Variants in RP1L1 observed in about 807,000 individuals in gnomAD.
RP1L1 encodes the protein retinitis pigmentosa 1-like 1 protein.
Under a neutral mutation model 15.7 loss-of-function variants are expected in RP1L1, and 27 were observed. That is an observed-to-expected ratio of 1.72 (90% CI 1.27 to 2.38). The LOEUF (loss-of-function observed/expected upper bound fraction) is 2.38. RP1L1 is among the 30% of genes most tolerant of loss of function. The probability of loss-of-function intolerance (pLI) is 0.00; values close to 1 mark genes in which losing one functional copy is unlikely to be tolerated. For missense variants in RP1L1, 4,798 were observed against 3,075.9 expected (o/e 1.56, Z -13.24); for synonymous variants, 1,813 against 1,276.7 (o/e 1.42, Z -8.96).
chr8:10,647,832 T>A (rs1427433020), intron 1 of RP1L1, among the ~76,000 whole-genome samples: 8 of 152,244 alleles, frequency 5.3e-5, no homozygotes, highest in African/African-American at 4.8e-5. Flanking sequence ...AAGACCCTGT[T>A]TTCAATTCTT....
Position 10,606,850 on chromosome 8 carries a change from A to C in RP1L1, c.*45T>G. On this transcript the variant is annotated 3_prime_UTR_variant, in exon 4 of 4. Coordinates refer to ENST00000382483, the MANE Select transcript of RP1L1 (RefSeq NM_178857.6). Reference sequence around the variant, plus strand: ...AGTTTTGTAGAAAAAATATGAATAAAAACAGAGCTCCCAAGCTCGTGATTG... The same window carrying C: ...AGTTTTGTAGAAAAAATATGAATAACAACAGAGCTCCCAAGCTCGTGATTG... 1 of 1,612,526 alleles carries C rather than the reference A, an allele frequency of 6.2e-7. No homozygotes were observed. The highest frequency in any genetic ancestry group is 1.7e-5 in the Admixed American group (1 of 60,022).
rs200121539 is a variant in RP1L1, at chr8:10,622,850, G to A, written c.352C>T (p.Arg118Trp). Residue 118 changes from arginine to tryptophan, a missense_variant, in exon 2 of 4, where the codon CGG (arginine) becomes TGG (tryptophan). Arg to Trp is a moderately radical substitution (Grantham distance 101). Transcript: ENST00000382483. Reference protein sequence around the residue: ...KPPKTPSGPGRPQERNPTAQQ... With the variant: ...KPPKTPSGPGWPQERNPTAQQ... ...GCAGTGGGGTTTCTCTCCTGTGGCC[G>A]GCCTGGTCCACTGGGGGTCTTGGGG... is the stretch of plus-strand genomic sequence containing the variant. 436 of 1,612,864 alleles carry A rather than the reference G, an allele frequency of 2.7e-4. 1 individual carries two copies. The highest frequency in any genetic ancestry group is 6.7e-4 in the Admixed American group (40 of 59,924).
chr8:10,613,450 G>C, intron 3 of RP1L1, 104 bp from the exon 4 acceptor site: 4 of 1,480,344 alleles, frequency 2.7e-6, no homozygotes, highest in African/African-American at 1.4e-5. Flanking sequence ...CACGACCTCA[G>C]CATCACCACT....
intron 2 of RP1L1, among the ~76,000 whole-genome samples, chr8:10,619,357 G>C (rs1346426469): frequency 6.6e-6 from 1 of 152,232 alleles, no homozygotes; most frequent in Non-Finnish European, 1.5e-5. Context: ...CAAAGATGCA[G>C]AGAGGCATGT....
rs565710179 is a variant in RP1L1 at position 10,651,621 on chromosome 8, A to G, written c.-20+3277T>C. ...ACGTGCCTGTAGTCCCAGCTACAGG[A>G]GGCTGAGGCAGGAGAATCCCTTGAA... On this transcript the variant is annotated intron_variant, in intron 1 of 3. Transcript: ENST00000382483. Among the ~76,000 whole-genome samples the G allele has an allele frequency of 9.9e-5, 15 of 151,990 alleles. No homozygotes were observed. In the South Asian group the frequency reaches 2.9e-3, roughly 30 times the overall value.
intron 3 of RP1L1, among the ~76,000 whole-genome samples, chr8:10,614,102 G>C (rs1797926407): frequency 6.6e-6 from 1 of 152,210 alleles, no homozygotes; most frequent in African/African-American, 2.4e-5. Flanking sequence ...GCAGTGCCCA[G>C]ATCTTGCTCC....
Position 10,623,081 on chromosome 8 carries a change from G to A in RP1L1, c.121C>T (p.Arg41Ter), listed in dbSNP as rs552894484. The change falls in exon 2 of 4, where the codon CGA becomes TGA. Residue 41 changes from arginine to a stop codon, truncating the protein, a stop_gained. Transcript: ENST00000382483. LOFTEE classifies it high-confidence loss of function. ...ACCCCAGCAAACCGTGGATCCCCTC[G>A]CTTGAGGAAGGTGATCTTCTTGGCT... ...TPAKKITFLK[R>*]GDPRFAGVRL... 1.2e-4 allele frequency: 195 copies of A among 1,614,014 alleles called. 1 individual carries two copies. The highest frequency in any genetic ancestry group is 4.2e-4 in the South Asian group (38 of 91,068).
At chr8:10,646,161 G>A (rs552709463) in intron 1 of RP1L1, among the ~76,000 whole-genome samples, 13 of 152,354 alleles carry the variant, frequency 8.5e-5, no homozygotes, top group East Asian at 3.9e-4. Flanking sequence ...CATCCCCCAC[G>A]GGGCTGCCGA....
At chr8:10,630,230 G>C (rs1304781445) in intron 1 of RP1L1, among the ~76,000 whole-genome samples, 1 of 152,214 alleles carries the variant, frequency 6.6e-6, no homozygotes, top group Non-Finnish European at 1.5e-5. Context: ...TTCAGTCCCT[G>C]ACCTTTCTTC....
Position 10,623,045 on chromosome 8 carries a change from C to T in RP1L1, c.157G>A (p.Val53Ile), listed in dbSNP as rs192698867. ...AAGGTCTTAAAGGCGCGCTGGTGAA[C>T]GGCCAGGCGGACCCCAGCAAACCGT... Reference protein sequence around the residue: ...DPRFAGVRLAVHQRAFKTFSA... With the variant: ...DPRFAGVRLAIHQRAFKTFSA... The change falls in exon 2 of 4, where the codon GTT becomes ATT. Residue 53 changes from valine (V) to isoleucine (I), a missense_variant. Transcript: ENST00000382483. The T allele has an allele frequency of 3.9e-5, 63 of 1,614,122 alleles. No homozygotes were observed. In the South Asian group the frequency reaches 5.2e-4, roughly 13 times the overall value.
chr8:10,611,826 G>T lies in RP1L1; in HGVS notation c.2272C>A (p.Pro758Thr). Reference sequence around the variant, plus strand: ...GCGTCCCCTGCCCACCCGGCAGAGGGAGCGTTGTGCGGGGAGACTCCAGAA... The same window carrying T: ...GCGTCCCCTGCCCACCCGGCAGAGGTAGCGTTGTGCGGGGAGACTCCAGAA... ...FVSGVSPHNA[P>T]SAGWAGDAGS... The change falls in exon 4 of 4, where the codon CCC becomes ACC. Residue 758 changes from proline (P) to threonine (T), a missense_variant. Transcript: ENST00000382483. 1 of 1,613,720 alleles carries T rather than the reference G, an allele frequency of 6.2e-7. No individual in the cohort carries two copies. The highest frequency in any genetic ancestry group is 2.2e-5 in the East Asian group (1 of 44,882).
intron 1 of RP1L1, among the ~76,000 whole-genome samples, chr8:10,624,835 G>A (rs762008529): frequency 9.2e-5 from 14 of 152,210 alleles, no homozygotes; most frequent in South Asian, 2.1e-4. Context: ...TTGGCTGAGT[G>A]GGTTTGAGTT....
At chr8:10,616,953 T>A (rs1217029254) in intron 2 of RP1L1, among the ~76,000 whole-genome samples, 1 of 152,158 alleles carries the variant, frequency 6.6e-6, no homozygotes, top group African/African-American at 2.4e-5. Flanking sequence ...CAGCACGCCC[T>A]CCAGCTCCCA....
intron 2 of RP1L1, among the ~76,000 whole-genome samples, chr8:10,617,984 G>A (rs1797998236): frequency 6.6e-6 from 1 of 152,164 alleles, no homozygotes; most frequent in Admixed American, 6.5e-5. Context: ...TGTTTATGTG[G>A]CACATGCTAG....
Position 10,611,635 on chromosome 8 carries a change from G to GT in RP1L1, c.2462dup (p.His821GlnfsTer24). 1 of 1,612,932 alleles carries GT rather than the reference G, an allele frequency of 6.2e-7. No individual in the cohort carries two copies. The highest frequency in any genetic ancestry group is 8.5e-7 in the Non-Finnish European group (1 of 1,179,850). On this transcript the variant is annotated frameshift_variant, in exon 4 of 4. Transcript: ENST00000382483. LOFTEE classifies it low-confidence loss of function (END_TRUNC). ...CAGGCTGTGAGCAGCAGTGGCTTCGGTGGGGGCCCACCGCCCCTTGCTCAG... is the reference window on the plus strand; with the variant it reads ...CAGGCTGTGAGCAGCAGTGGCTTCGGTTGGGGGCCCACCGCCCCTTGCTCAG...
At chr8:10,636,327 C>T (rs181078929) in intron 1 of RP1L1, among the ~76,000 whole-genome samples, 227 of 152,324 alleles carry the variant, frequency 1.5e-3, no homozygotes, top group African/African-American at 5.3e-3. Context: ...GAAAAGGAGC[C>T]GGTCTGCAGG....
Position 10,623,300 on chromosome 8 carries a change from G to C in RP1L1, c.-19-80C>G, listed in dbSNP as rs572775020. On this transcript the variant is annotated intron_variant, in intron 1 of 3. Transcript: ENST00000382483. ...CCTGTCTCTTCCCGTCTTTCTAGAGGTGCTTCCTGCCCACCCCAAATGTGC... is the reference window on the plus strand; with the variant it reads ...CCTGTCTCTTCCCGTCTTTCTAGAGCTGCTTCCTGCCCACCCCAAATGTGC... 60 of 1,084,228 alleles carry C rather than the reference G, an allele frequency of 5.5e-5. 2 individuals are homozygous for C. The South Asian group carries it at 8.8e-4, about 16-fold the overall frequency. The allele number at this position is 1,084,228 out of a possible 1,614,324, so 67.2% of individuals were successfully genotyped here.
At position 10,607,809 on chromosome 8, in the gene RP1L1, C is replaced by A. The variant is rs1312602918; in HGVS notation, c.6289G>T (p.Glu2097Ter). 6.3e-7 allele frequency: 1 copy of A among 1,593,904 alleles called. No individual in the cohort carries two copies. ...TCTGGGGCCTCTACACCTTCTGATT[C>A]TGGCTGGGCCTCCCCTTCTGCCTCC... The part of the protein sequence containing the change: ...AQEAEGEAQP[E>*]SEGVEAPEAE... The change falls in exon 4 of 4, where the codon GAA (glutamate) becomes TAA (stop). Residue 2097 changes from glutamate to a stop codon, truncating the protein, a stop_gained. Coordinates refer to ENST00000382483, the MANE Select transcript of RP1L1 (RefSeq NM_178857.6). LOFTEE classifies it low-confidence loss of function (END_TRUNC).
chr8:10,623,062 G>C lies in RP1L1; in HGVS notation c.140C>G (p.Ala47Gly). 2 of 1,614,146 alleles carry C rather than the reference G, an allele frequency of 1.2e-6. No individual in the cohort carries two copies. The highest frequency in any genetic ancestry group is 1.7e-6 in the Non-Finnish European group (2 of 1,180,034). The change falls in exon 2 of 4, where the codon GCT becomes GGT. Residue 47 changes from alanine to glycine, a missense_variant. Ala to Gly is a moderately conservative substitution (Grantham distance 60). Coordinates refer to ENST00000382483, the MANE Select transcript of RP1L1 (RefSeq NM_178857.6). ...CTGGTGAACGGCCAGGCGGACCCCA[G>C]CAAACCGTGGATCCCCTCGCTTGAG... is the stretch of plus-strand genomic sequence containing the variant. ...TFLKRGDPRF[A>G]GVRLAVHQRA...
Sources: allele counts gnomAD v4.1 joint callset (sites outside exome capture counted in the v4.1 genomes callset), GRCh38; gene constraint gnomAD v4.1.1; transcripts MANE v1.5; gene names NCBI Gene and HGNC (gene_info 2026-07-23, HGNC 2026-07-21).